Variants in FHOD3 observed in about 807,000 individuals in gnomAD.
The protein encoded by FHOD3 is FH1/FH2 domain-containing protein 3.
In FHOD3, 90 loss-of-function variants were observed where a neutral mutation model predicts 173.0. The observed-to-expected ratio is 0.52, with a 90% confidence interval of 0.44 to 0.62. The LOEUF (loss-of-function observed/expected upper bound fraction) is 0.62, where lower values mean the gene tolerates loss of function less well. FHOD3 is among the 20% of genes least tolerant of loss of function. The pLI is 0.00. For synonymous variants in FHOD3, 828 were observed against 823.0 expected (o/e 1.01, Z -0.10); for missense variants, 1,945 against 2,034.7 (o/e 0.96, Z 0.85).
intron 27 of FHOD3, among the ~76,000 whole-genome samples, chr18:36,762,786 A>T (rs1241166036): frequency 6.7e-6 from 1 of 149,274 alleles, no homozygotes; most frequent in Non-Finnish European, 1.5e-5. Flanking sequence ...AAGAAGCAAG[A>T]CTCTGTCTCA....
chr18:36,639,477 G>A (rs1446707025), intron 10 of FHOD3, among the ~76,000 whole-genome samples: 3 of 152,060 alleles, frequency 2.0e-5, no homozygotes, highest in Non-Finnish European at 4.4e-5. Flanking sequence ...TCAAGACCAT[G>A]GTGAAACCCC....
Position 36,316,164 on chromosome 18 carries a change from A to G in FHOD3, c.165+18164A>G, listed in dbSNP as rs528880271. ...GTTCCTTGACCCACCTGGTCCCTAA[A>G]GCAGAACGTACCAGCTCCATTAAAT... On this transcript the variant is annotated intron_variant, in intron 1 of 28. Coordinates refer to ENST00000590592, the MANE Select transcript of FHOD3 (RefSeq NM_001281740.3). Among the ~76,000 whole-genome samples the G allele has an allele frequency of 2.0e-5, 3 of 152,164 alleles. No homozygotes were observed. In the South Asian group the frequency reaches 6.2e-4, roughly 32 times the overall value.
chr18:36,619,319 GCCACA>G (rs2033507225), intron 9 of FHOD3, among the ~76,000 whole-genome samples: 1 of 152,100 alleles, frequency 6.6e-6, no homozygotes, highest in South Asian at 2.1e-4. Flanking sequence ...CCACCTGAAA[GCCACA>G]CATGAAATGC....
chr18:36,557,385 A>G (rs1434629001), intron 5 of FHOD3, among the ~76,000 whole-genome samples: 2 of 152,014 alleles, frequency 1.3e-5, no homozygotes, highest in Non-Finnish European at 2.9e-5. Context: ...TTCTATTGCT[A>G]CATCTTCAAT....
At position 36,676,516 on chromosome 18, in the gene FHOD3, T is replaced by C. The variant is rs545534534; in HGVS notation, c.1836-4920T>C. On this transcript the variant is annotated intron_variant, in intron 14 of 28. Transcript: ENST00000590592. The stretch of plus-strand genomic sequence containing the variant: ...TTACCATACATGTCTATCTTCTTTA[T>C]GCATGCAAAAGTTACTTTCTAGATA... Among the ~76,000 whole-genome samples, 7 of 152,356 alleles carry C rather than the reference T, an allele frequency of 4.6e-5. No individual in the cohort carries two copies. The South Asian group carries it at 1.4e-3, about 32-fold the overall frequency.
Position 36,681,562 on chromosome 18 carries a change from C to T in FHOD3, c.1962C>T (p.Asn654=), listed in dbSNP as rs368544178. ...RLQRIEREER[N]KFSRDYLDKR... is the part of the protein sequence containing the mutation. ...AGAGAATAGAGCGGGAAGAAAGAAA[C>T]AAATTCAGGTAAGAAGGATCTTAAG... The change falls in exon 15 of 29, where the codon AAC becomes AAT. Residue 654 remains asparagine, a synonymous_variant. Transcript: ENST00000590592. 1.9e-5 allele frequency: 30 copies of T among 1,612,552 alleles called. No individual in the cohort carries two copies. Among genetic ancestry groups the T allele is most frequent in the Non-Finnish European group, 2.4e-5 (28 of 1,179,394 alleles).
intron 10 of FHOD3, among the ~76,000 whole-genome samples, chr18:36,648,149 G>GA (rs72537916): frequency 0.072 from 10,947 of 152,206 alleles, 679 homozygotes; most frequent in East Asian, 0.24. Flanking sequence ...CATGCATTAG[G>GA]AGGTGAAGAA....
chr18:36,550,605 T>C (rs890637722), intron 5 of FHOD3, among the ~76,000 whole-genome samples: 2 of 152,310 alleles, frequency 1.3e-5, no homozygotes, highest in Admixed American at 1.3e-4. Context: ...TTTAGGTCAC[T>C]AATTTCTCTC....
chr18:36,624,586 G>A (rs979486831), intron 9 of FHOD3, among the ~76,000 whole-genome samples: 1 of 152,104 alleles, frequency 6.6e-6, no homozygotes, highest in Non-Finnish European at 1.5e-5. Flanking sequence ...AGGTGAGAAA[G>A]CCATGAAGTA....
chr18:36,719,924 G>T (rs1390407415), intron 19 of FHOD3, among the ~76,000 whole-genome samples: 1 of 152,160 alleles, frequency 6.6e-6, no homozygotes, highest in Non-Finnish European at 1.5e-5. Context: ...GCCCTTCACT[G>T]ATTGGTGTTT....
chr18:36,443,522 G>GT (rs1259574270), intron 3 of FHOD3, among the ~76,000 whole-genome samples: 2 of 152,080 alleles, frequency 1.3e-5, no homozygotes, highest in Non-Finnish European at 2.9e-5. Flanking sequence ...TTTTTTGAAT[G>GT]TTCATATTTT....
chr18:36,709,038 A>C lies in FHOD3; in HGVS notation c.2237-57A>C, dbSNP rs2040027872. 8 of 1,572,320 alleles carry C rather than the reference A, an allele frequency of 5.1e-6. No homozygotes were observed. In the Admixed American group the frequency reaches 1.2e-4, roughly 24 times the overall value. On this transcript the variant is annotated intron_variant, in intron 17 of 28. Transcript: ENST00000590592. ...TCAACCTCACATTCATTCTCACCTC[A>C]CTTCACCCTTCCAAGAAATCTGTCG...
rs538991520 is a variant in FHOD3, at chr18:36,645,794, AT to A, written c.1197-3514del. The stretch of plus-strand genomic sequence containing the variant: ...TCATGGTATGCAAGGTTGGCTTAAC[AT>A]TTTTTTTAAAAAAGCAGTCTTCATA... On this transcript the variant is annotated intron_variant, in intron 10 of 28. Transcript: ENST00000590592. 9.1e-4 allele frequency among the ~76,000 whole-genome samples: 138 copies of A among 152,130 alleles called. 1 individual carries two copies. The Middle Eastern group carries it at 0.017, about 19-fold the overall frequency.
chr18:36,636,907 A>G (rs1005497561), intron 10 of FHOD3, among the ~76,000 whole-genome samples: 1 of 152,080 alleles, frequency 6.6e-6, no homozygotes, highest in Non-Finnish European at 1.5e-5. Context: ...TTTCTTTTCT[A>G]TATATTTTTT....
At chr18:36,622,643 C>G (rs1038647204) in intron 9 of FHOD3, among the ~76,000 whole-genome samples, 1 of 152,224 alleles carries the variant, frequency 6.6e-6, no homozygotes. Flanking sequence ...AGGACTGGCT[C>G]TATCTCACTT....
intron 19 of FHOD3, among the ~76,000 whole-genome samples, chr18:36,719,790 A>G (rs2040658831): frequency 6.6e-6 from 1 of 152,196 alleles, no homozygotes; most frequent in Non-Finnish European, 1.5e-5. Flanking sequence ...TGAGCCCTTC[A>G]GACGAGGAGC....
chr18:36,426,627 A>G (rs1391573206), intron 3 of FHOD3, among the ~76,000 whole-genome samples: 2 of 152,184 alleles, frequency 1.3e-5, no homozygotes, highest in African/African-American at 2.4e-5. Context: ...AATACCCCAA[A>G]AGCAGAAAGC....
intron 3 of FHOD3, among the ~76,000 whole-genome samples, chr18:36,424,299 A>T (rs1359238348): frequency 1.3e-5 from 2 of 152,166 alleles, no homozygotes; most frequent in Non-Finnish European, 2.9e-5. Context: ...AGTGTGTATA[A>T]AACTGTGCTG....
Position 36,476,507 on chromosome 18 carries a change from C to T in FHOD3, c.338-25425C>T, listed in dbSNP as rs535455269. Reference sequence around the variant, plus strand: ...GAGGCGGGGAAGGCATCCCATCACCCTAAGACCTGTGGGTGCAAGTTCTCT... The same window carrying T: ...GAGGCGGGGAAGGCATCCCATCACCTTAAGACCTGTGGGTGCAAGTTCTCT... On this transcript the variant is annotated intron_variant, in intron 3 of 28. Transcript: ENST00000590592. Among the ~76,000 whole-genome samples the T allele has an allele frequency of 2.8e-4, 43 of 152,276 alleles. No homozygotes were observed. The South Asian group carries it at 8.9e-3, about 32-fold the overall frequency.
Sources: gnomAD v4.1 joint callset for allele counts (sites outside exome capture counted in the v4.1 genomes callset) on GRCh38, gnomAD v4.1.1 for gene constraint, MANE v1.5 for transcripts, NCBI Gene and HGNC (gene_info 2026-07-23, HGNC 2026-07-21) for gene names.